TDRD12: variants seen among roughly 807,000 people sequenced by gnomAD.
The protein encoded by TDRD12 is tudor domain containing 12, also known as putative ATP-dependent RNA helicase TDRD12.
In TDRD12, 158 loss-of-function variants were observed where a neutral mutation model predicts 133.5. That is an observed-to-expected ratio of 1.18 (90% CI 1.04 to 1.35). The LOEUF (loss-of-function observed/expected upper bound fraction) is 1.35, where lower values mean the gene tolerates loss of function less well. Among genes scored for constraint, TDRD12 ranks in the 40% most tolerant of loss-of-function variants. The pLI is 0.00. For synonymous variants in TDRD12, 460 were observed against 477.9 expected, an observed-to-expected ratio of 0.96 and a Z score of 0.49; for missense variants, 1,443 against 1,321.3, an observed-to-expected ratio of 1.09 and a Z score of -1.43.
intron 6 of TDRD12, among the ~76,000 whole-genome samples, chr19:32,751,387 T>C (rs1397569749): frequency 6.6e-6 from 1 of 152,164 alleles, no homozygotes; most frequent in Non-Finnish European, 1.5e-5. Flanking sequence ...AGGTTTTTCC[T>C]GTACAGAGAT....
chr19:32,809,960 G>T, intron 22 of TDRD12, 133 bp from the exon 23 acceptor site: 1 of 532,234 alleles, frequency 1.9e-6, no homozygotes. Flanking sequence ...TAGCTTCCTA[G>T]TTTTTTCTAA....
intron 11 of TDRD12, among the ~76,000 whole-genome samples, chr19:32,783,362 C>T (rs1380754041): frequency 3.9e-5 from 6 of 151,984 alleles, no homozygotes; most frequent in Admixed American, 2.0e-4. Context: ...TTTTGGTTAC[C>T]GTAGCCTTGT....
chr19:32,818,920 G>A (rs1340924930), intron 27 of TDRD12, among the ~76,000 whole-genome samples: 1 of 151,468 alleles, frequency 6.6e-6, no homozygotes, highest in African/African-American at 2.4e-5. Context: ...GACTTGCTGG[G>A]TTAGTGGCCT....
intron 2 of TDRD12, among the ~76,000 whole-genome samples, chr19:32,732,927 CT>C (rs1185416003): frequency 6.6e-6 from 1 of 152,128 alleles, no homozygotes. Flanking sequence ...AATCCCAGCA[CT>C]TTGGGAGGCC....
In TDRD12 at chr19:32,790,529, A is replaced by C; in HGVS notation, c.1122-2A>C. The C allele has an allele frequency of 1.3e-6, 2 of 1,551,570 alleles. No homozygotes were observed. Among genetic ancestry groups the C allele is most frequent in the Non-Finnish European group, 1.7e-6 (2 of 1,146,840 alleles). On this transcript the variant is annotated splice_acceptor_variant, in intron 11 of 27. Coordinates refer to ENST00000444215, the Ensembl canonical transcript of TDRD12. LOFTEE classifies it high-confidence loss of function. Reference sequence around the variant, plus strand: ...CACATTCTTCTTTTAACTATCTTACAGATTACTGCAGTTTTTAAATCCTGA... The same window carrying C: ...CACATTCTTCTTTTAACTATCTTACCGATTACTGCAGTTTTTAAATCCTGA...
rs550489838 is a variant in TDRD12, at chr19:32,811,215, A to T, written c.2843A>T (p.Gln948Leu). The T allele has an allele frequency of 4.6e-6, 7 of 1,535,848 alleles. No homozygotes were observed. The African/African-American group carries it at 5.5e-5, about 12-fold the overall frequency. ...GATGCCCCATTGCTCTCCAGGGTTC[A>T]GGTGTTGGAAGTGAACCAAAAAGAA... The change falls in exon 24 of 28, where the codon CAG becomes CTG. Residue 948 changes from glutamine to leucine, a missense_variant. Gln to Leu is a moderately radical substitution (Grantham distance 113, BLOSUM62 -2). Coordinates refer to ENST00000444215, the Ensembl canonical transcript of TDRD12.
chr19:32,792,600 C>T (rs777129351), intron 13 of TDRD12, among the ~76,000 whole-genome samples: 1 of 151,926 alleles, frequency 6.6e-6, no homozygotes, highest in Non-Finnish European at 1.5e-5. Context: ...GTTTGAGGTC[C>T]GGTTTCTGAA....
chr19:32,772,966 C>T (rs1249124441), intron 9 of TDRD12, 116 bp downstream of exon 9: 1 of 542,220 alleles, frequency 1.8e-6, no homozygotes, highest in Non-Finnish European at 3.0e-6. Flanking sequence ...AAATCATTGG[C>T]CATGATAGTT....
chr19:32,797,735 C>G, exon 15 of TDRD12: 1 of 669,434 alleles, frequency 1.5e-6, no homozygotes, highest in Non-Finnish European at 2.7e-6. Flanking sequence ...GTCTTCGCAG[C>G]CTCTCGCAGT....
intron 1 of TDRD12, among the ~76,000 whole-genome samples, chr19:32,728,614 C>T (rs780673501): frequency 2.7e-5 from 4 of 150,044 alleles, no homozygotes; most frequent in Non-Finnish European, 5.9e-5. Flanking sequence ...ACAATGTTAG[C>T]GAGTATACCC....
rs1205128506 is a variant in TDRD12, at chr19:32,800,004, G to A, written c.1759-163G>A. Among the ~76,000 whole-genome samples, 52 of 151,940 alleles carry A rather than the reference G, an allele frequency of 3.4e-4. 1 individual carries two copies. Among genetic ancestry groups the A allele is most frequent in the Admixed American group, 3.3e-3 (51 of 15,248 alleles). On this transcript the variant is annotated intron_variant, in intron 16 of 27. Coordinates refer to ENST00000444215, the Ensembl canonical transcript of TDRD12. ...CTGCCTCAGCCTCCCAAAGTGCTGG[G>A]ATTACAGACGTGAGCCACCACACCT... is the stretch of plus-strand genomic sequence containing the variant.
At chr19:32,722,710 C>T (rs892874849) in intron 1 of TDRD12, among the ~76,000 whole-genome samples, 43 of 146,800 alleles carry the variant, frequency 2.9e-4, no homozygotes, top group African/African-American at 8.0e-4. Flanking sequence ...GACGGCGTCT[C>T]GCTCTGTTGC....
chr19:32,764,346 G>A (rs906528508), intron 8 of TDRD12, among the ~76,000 whole-genome samples: 1 of 151,970 alleles, frequency 6.6e-6, no homozygotes, highest in East Asian at 1.9e-4. Flanking sequence ...CCCTGACTTC[G>A]TGATCTGCCC....
chr19:32,814,775 T>C (rs1171815599), intron 25 of TDRD12, among the ~76,000 whole-genome samples: 1 of 151,996 alleles, frequency 6.6e-6, no homozygotes, highest in East Asian at 1.9e-4. Flanking sequence ...CCCCCACCCA[T>C]TTTGAGCAGA....
rs1315737520 is a variant in TDRD12, at chr19:32,776,377, T to C, written c.1041-772T>C. ...GGGTTTAAGGTCACCACACTGCTGT[T>C]GCTGTTGCTGGGTGCAGCCCCAAGA... On this transcript the variant is annotated intron_variant, in intron 10 of 27. Coordinates refer to ENST00000444215, the Ensembl canonical transcript of TDRD12. Among the ~76,000 whole-genome samples the C allele has an allele frequency of 2.8e-4, 43 of 152,214 alleles. 1 individual carries two copies. The highest frequency in any genetic ancestry group is 2.8e-3 in the Admixed American group (43 of 15,282).
chr19:32,741,690 T>C (rs1969431817), intron 3 of TDRD12, among the ~76,000 whole-genome samples: 1 of 152,206 alleles, frequency 6.6e-6, no homozygotes, highest in Non-Finnish European at 1.5e-5. Context: ...ATGGCCAGGC[T>C]GCCCAGACAA....
At chr19:32,803,051 T>A in exon 21 of TDRD12, 1 of 1,536,124 alleles carries the variant, frequency 6.5e-7, no homozygotes, top group South Asian at 1.2e-5. Flanking sequence ...CGCAGAGCTG[T>A]ACGAGTTCAC....
chr19:32,805,222 T>G (rs2112919), intron 21 of TDRD12, among the ~76,000 whole-genome samples: 1 of 31,160 alleles, frequency 3.2e-5, no homozygotes, highest in African/African-American at 2.6e-4. Context: ...CACACACACA[T>G]ATATATATAT....
At chr19:32,759,070 C>T (rs547048822) in intron 8 of TDRD12, among the ~76,000 whole-genome samples, 35 of 152,102 alleles carry the variant, frequency 2.3e-4, no homozygotes, top group Non-Finnish European at 4.7e-4. Flanking sequence ...GGTGAAACCC[C>T]GTCTCTACTA....
Sources: gnomAD v4.1 joint callset for allele counts (sites outside exome capture counted in the v4.1 genomes callset) on GRCh38, gnomAD v4.1.1 for gene constraint, MANE v1.5 for transcripts, NCBI Gene and HGNC (gene_info 2026-07-23, HGNC 2026-07-21) for gene names.